GARNL3: variants seen among roughly 807,000 people sequenced by gnomAD.
The protein encoded by GARNL3 is GTPase activating Rap/RanGAP domain like 3.
GARNL3 carries 63 observed loss-of-function variants against 125.0 expected under a neutral mutation model. That is an observed-to-expected ratio of 0.50 (90% CI 0.41 to 0.62). The LOEUF (loss-of-function observed/expected upper bound fraction) is 0.62, where lower values mean the gene tolerates loss of function less well. GARNL3 is among the 20% of genes least tolerant of loss of function. The probability of loss-of-function intolerance (pLI) is 0.00; values close to 1 mark genes in which losing one functional copy is unlikely to be tolerated. For synonymous variants in GARNL3, 439 were observed against 457.5 expected (o/e 0.96, Z 0.52); for missense variants, 994 against 1,244.0 (o/e 0.80, Z 3.02).
chr9:127,357,478 T>A, intron 21 of GARNL3, 101 bp downstream of exon 21: 2 of 1,141,146 alleles, frequency 1.8e-6, no homozygotes, highest in Non-Finnish European at 2.5e-6. Context: ...TTTAAAATTA[T>A]GTACTATTCA....
At chr9:127,321,402 G>A (rs578219851) in intron 6 of GARNL3, among the ~76,000 whole-genome samples, 2 of 152,330 alleles carry the variant, frequency 1.3e-5, no homozygotes, top group South Asian at 2.1e-4. Flanking sequence ...ACAGGCGTGA[G>A]CCACCACGCC....
At chr9:127,259,382 A>G (rs898871209), upstream of GARNL3, among the ~76,000 whole-genome samples, 9 of 152,142 alleles carry the variant, frequency 5.9e-5, no homozygotes, top group African/African-American at 2.2e-4. Flanking sequence ...TTATATTTAG[A>G]GCCTGGACCA....
intron 4 of GARNL3, among the ~76,000 whole-genome samples, chr9:127,315,704 A>G (rs541066448): frequency 6.6e-6 from 1 of 152,164 alleles, no homozygotes; most frequent in African/African-American, 2.4e-5. Context: ...TCTACTCTAC[A>G]CAGTCTTGCA....
chr9:127,230,523 C>T (rs996950057), intron 1 of GARNL3, among the ~76,000 whole-genome samples: 5 of 152,008 alleles, frequency 3.3e-5, no homozygotes, highest in African/African-American at 9.7e-5. Context: ...CGTGGTGGCA[C>T]ATGACTGTAA....
chr9:127,340,100 GA>G (rs1264844454), intron 13 of GARNL3, among the ~76,000 whole-genome samples: 3 of 152,180 alleles, frequency 2.0e-5, no homozygotes, highest in African/African-American at 7.2e-5. Context: ...GTAGGTGGGG[GA>G]AAGAGTGGTT....
At chr9:127,363,596 G>A (rs563525135) in intron 21 of GARNL3, 26 of 152,592 alleles carry the variant, frequency 1.7e-4, no homozygotes, top group Non-Finnish European at 2.8e-4. Context: ...AGAAGGGTCA[G>A]CCAGTGCAGG....
intron 2 of GARNL3, among the ~76,000 whole-genome samples, chr9:127,255,345 A>G (rs1180560373): frequency 1.3e-5 from 2 of 151,956 alleles, no homozygotes; most frequent in Non-Finnish European, 2.9e-5. Context: ...AACAAATCTC[A>G]AGAGCAAATT....
At chr9:127,259,814 T>C (rs116015598), upstream of GARNL3, among the ~76,000 whole-genome samples, 1,055 of 151,954 alleles carry the variant, frequency 6.9e-3, 14 homozygotes, top group African/African-American at 0.024. Flanking sequence ...GGTGGGAGGA[T>C]CACTTGAGGC....
At chr9:127,303,040 A>G (rs1221645160) in intron 2 of GARNL3, among the ~76,000 whole-genome samples, 1 of 152,062 alleles carries the variant, frequency 6.6e-6, no homozygotes, top group Admixed American at 6.5e-5. Context: ...AGTCCCAGCT[A>G]CTCCAGAGAC....
chr9:127,233,304 C>A (rs1397322355), intron 1 of GARNL3, among the ~76,000 whole-genome samples: 1 of 152,142 alleles, frequency 6.6e-6, no homozygotes, highest in Non-Finnish European at 1.5e-5. Flanking sequence ...ATCCTTGAAC[C>A]AATTGCTTTG....
At chr9:127,248,596 CTTTTTTTTTTTTT>C (rs745331884) in intron 2 of GARNL3, among the ~76,000 whole-genome samples, 2 of 74,590 alleles carry the variant, frequency 2.7e-5, no homozygotes, top group Non-Finnish European at 4.9e-5. Context: ...TTTTTCTTTT[CTTTTTTTTTTTTT>C]TTTTTTTTTT....
rs1313732396 is a variant in GARNL3 at position 127,253,835 on chromosome 9, G to A, written c.143+10586G>A. Among the ~76,000 whole-genome samples, 4 of 152,136 alleles carry A rather than the reference G, an allele frequency of 2.6e-5. No homozygotes were observed. In the South Asian group the frequency reaches 8.3e-4, roughly 31 times the overall value. On this transcript the variant is annotated intron_variant, in intron 2 of 10. Coordinates refer to the GARNL3 transcript ENST00000439286. ...AAATCTGTTTAACAGGAAGAAGGGA[G>A]GACCTGGGTTGTGGGGGTGTTTCTT...
chr9:127,388,253 C>T (rs1166627154), intron 25 of GARNL3, among the ~76,000 whole-genome samples: 14 of 150,608 alleles, frequency 9.3e-5, no homozygotes, highest in Non-Finnish European at 4.4e-5. Context: ...GAGGTCAAGG[C>T]TGCAGTAAGT....
intron 16 of GARNL3, among the ~76,000 whole-genome samples, chr9:127,347,908 T>G (rs965075008): frequency 2.4e-4 from 36 of 152,222 alleles, no homozygotes; most frequent in African/African-American, 8.7e-4. Flanking sequence ...AGAGCATCCT[T>G]TCCTTTTCTA....
chr9:127,251,145 G>T (rs1412007366), intron 2 of GARNL3, among the ~76,000 whole-genome samples: 1 of 152,138 alleles, frequency 6.6e-6, no homozygotes, highest in East Asian at 1.9e-4. Context: ...GTGCTTTTAA[G>T]AGGCAAAAGG....
chr9:127,365,020 CAG>C (rs1831207239), intron 21 of GARNL3: 2 of 403,464 alleles, frequency 5.0e-6, no homozygotes, highest in South Asian at 4.4e-5. Context: ...ATACCAAACA[CAG>C]AGCTTCTCAA....
At chr9:127,373,126 A>T (rs1831697173) in intron 22 of GARNL3, among the ~76,000 whole-genome samples, 1 of 152,218 alleles carries the variant, frequency 6.6e-6, no homozygotes, top group Non-Finnish European at 1.5e-5. Context: ...CTTGTTGGGA[A>T]GCTAAATCCT....
rs114155821 is a variant in GARNL3, at chr9:127,257,370, T to G, written c.144-7582T>G. 9.0e-3 allele frequency among the ~76,000 whole-genome samples: 1,373 copies of G among 152,356 alleles called. 32 individuals are homozygous for G. The highest frequency in any genetic ancestry group is 0.031 in the African/African-American group (1,282 of 41,576). On this transcript the variant is annotated intron_variant, in intron 2 of 10. Transcript: ENST00000439286. ...AAACTGTTTTCTGAAGAGGCTTAGC[T>G]TAAAATTTTATAGTCCCACTTGCAA...
chr9:127,300,841 G>A, intron 2 of GARNL3: 2 of 355,026 alleles, frequency 5.6e-6, no homozygotes, highest in South Asian at 2.3e-5. Flanking sequence ...GCAACATTAG[G>A]CATGTATTTA....
Sources: gnomAD v4.1 joint callset for allele counts (sites outside exome capture counted in the v4.1 genomes callset) on GRCh38, gnomAD v4.1.1 for gene constraint, MANE v1.5 for transcripts, NCBI Gene and HGNC (gene_info 2026-07-23, HGNC 2026-07-21) for gene names.